Variants in ERAL1 observed in about 807,000 individuals in gnomAD.
ERAL1 encodes the protein GTPase Era, mitochondrial.
Under a neutral mutation model 53.6 loss-of-function variants are expected in ERAL1, and 36 were observed. The observed-to-expected ratio is 0.67, with a 90% CI of 0.51 to 0.89. The LOEUF (loss-of-function observed/expected upper bound fraction) is 0.89. ERAL1 is among the 40% of genes least tolerant of loss of function. The pLI, the probability that ERAL1 is intolerant of heterozygous loss-of-function variation, is 0.00. For missense variants in ERAL1, 512 were observed against 537.5 expected, an observed-to-expected ratio of 0.95 and a Z score of 0.47; for synonymous variants, 215 against 211.8, an observed-to-expected ratio of 1.02 and a Z score of -0.13.
At position 28,858,410 on chromosome 17, in the gene ERAL1, G is replaced by A. The variant is rs751956850; in HGVS notation, c.635G>A (p.Arg212Gln). ...VLVDVSDKWT[R>Q]NQLSPQLLRC... ...GTGGATGTCTCAGACAAGTGGACAC[G>A]GAACCAGCTCAGCCCCCAGTTGCTC... is the stretch of plus-strand genomic sequence containing the variant. The change falls in exon 6 of 10, where the codon CGG becomes CAG. Residue 212 changes from arginine (R) to glutamine (Q), a missense_variant. Physicochemically the swap from Arg to Gln is conservative, Grantham distance 43. Transcript: ENST00000254928. 5 of 1,614,058 alleles carry A rather than the reference G, an allele frequency of 3.1e-6. No individual in the cohort carries two copies. Among genetic ancestry groups the A allele is most frequent in the African/African-American group, 1.3e-5 (1 of 75,010 alleles).
rs763723857 is a variant in ERAL1, at chr17:28,856,363, C to T, written c.383C>T (p.Thr128Ile). The T allele has an allele frequency of 6.2e-7, 1 of 1,614,128 alleles. No homozygotes were observed. The highest frequency in any genetic ancestry group is 2.2e-5 in the East Asian group (1 of 44,884). The change falls in exon 2 of 10, where the codon ACA becomes ATA. Residue 128 changes from threonine to isoleucine, a missense_variant. Physicochemically the swap from Thr to Ile is moderately conservative, Grantham distance 89. Transcript: ENST00000254928. ...LLGAPNAGKS[T>I]LSNQLLGRKV... Reference sequence around the variant, plus strand: ...GGAGCCCCGAATGCAGGGAAGTCAACACTCTCCAACCAGCTACTGGGCCGA... The same window carrying T: ...GGAGCCCCGAATGCAGGGAAGTCAATACTCTCCAACCAGCTACTGGGCCGA...
At position 28,858,393 on chromosome 17, in the gene ERAL1, C is replaced by T; in HGVS notation, c.618C>T (p.Val206=). The part of the protein sequence containing the change: ...SADLVVVLVD[V]SDKWTRNQLS... ...TTCTAGTTGTGGTTCTTGTGGATGT[C>T]TCAGACAAGTGGACACGGAACCAGC... Residue 206 remains valine, a synonymous_variant, in exon 6 of 10, where the codon GTC becomes GTT. Coordinates refer to ENST00000254928, the MANE Select transcript of ERAL1 (RefSeq NM_005702.4). 6.2e-7 allele frequency: 1 copy of T among 1,614,094 alleles called. No individual in the cohort carries two copies. Among genetic ancestry groups the T allele is most frequent in the East Asian group, 2.2e-5 (1 of 44,872 alleles).
chr17:28,859,126 G>C lies in ERAL1; in HGVS notation c.1110+13G>C. Reference sequence around the variant, plus strand: ...CAATGTACAGCAGGTACAGAGTGAAGGGTTCTGGGGGCTCTCTATCAGACA... The same window carrying C: ...CAATGTACAGCAGGTACAGAGTGAACGGTTCTGGGGGCTCTCTATCAGACA... On this transcript the variant is annotated intron_variant, in intron 8 of 9. Coordinates refer to ENST00000254928, the MANE Select transcript of ERAL1 (RefSeq NM_005702.4). 1 of 1,614,146 alleles carries C rather than the reference G, an allele frequency of 6.2e-7. No individual in the cohort carries two copies. Among genetic ancestry groups the C allele is most frequent in the Non-Finnish European group, 8.5e-7 (1 of 1,179,996 alleles).
intron 2 of ERAL1, 27 bp downstream of exon 2, chr17:28,856,418 C>T (rs1001285364): frequency 2.5e-6 from 4 of 1,613,646 alleles, no homozygotes; most frequent in Admixed American, 3.3e-5. Flanking sequence ...ACCATCCTAC[C>T]CTTTACATCT....
chr17:28,855,614 T>A (rs1376450852), intron 1 of ERAL1, among the ~76,000 whole-genome samples: 1 of 152,146 alleles, frequency 6.6e-6, no homozygotes, highest in Non-Finnish European at 1.5e-5. Context: ...TTGGGCCTCA[T>A]CTTCTTGTTA....
chr17:28,856,936 C>T (rs1284546863), intron 3 of ERAL1, among the ~76,000 whole-genome samples: 3 of 151,536 alleles, frequency 2.0e-5, no homozygotes, highest in Admixed American at 2.0e-4. Flanking sequence ...TGGTCTCGAT[C>T]TCCTGACCGC....
chr17:28,857,873 T>G, intron 3 of ERAL1, 66 bp from the exon 4 acceptor site: 1 of 1,563,182 alleles, frequency 6.4e-7, no homozygotes. Flanking sequence ...ACAGGTAGCC[T>G]CTCTCTGACT....
rs770994471 is a variant in ERAL1, at chr17:28,860,644, C to G, written c.*91C>G. The G allele has an allele frequency of 1.4e-6, 2 of 1,443,722 alleles. No homozygotes were observed. Among genetic ancestry groups the G allele is most frequent in the Non-Finnish European group, 1.8e-6 (2 of 1,091,684 alleles). The allele number at this position is 1,443,722 out of a possible 1,614,324, so 89.4% of individuals were successfully genotyped here. A position where few individuals can be genotyped will look rare whatever the true frequency, so the allele number is the denominator to read the frequency against. On this transcript the variant is annotated 3_prime_UTR_variant, in exon 10 of 10. Coordinates refer to ENST00000254928, the MANE Select transcript of ERAL1 (RefSeq NM_005702.4). ...TCCTTGGCTGGGGACCCTCCAGGCA[C>G]TGGTGAGAGACATGAACACTGACTG... is the stretch of plus-strand genomic sequence containing the variant.
chr17:28,856,708 CTTTTTCTTTT>C (rs768568670), intron 3 of ERAL1, 126 bp downstream of exon 3: 9 of 756,058 alleles, frequency 1.2e-5, no homozygotes, highest in Non-Finnish European at 8.5e-6. Flanking sequence ...GGTTTCTTTT[CTTTTTCTTTT>C]TTTTTTTTTT....
At position 28,858,565 on chromosome 17, in the gene ERAL1, C is replaced by T. The variant is rs758330184; in HGVS notation, c.712-11C>T. ...CTGACCACACACCCTTTGCCCATCC[C>T]CCATGTCCAGGTAGATTGTTTGAAG... On this transcript the variant is annotated splice_polypyrimidine_tract_variant and intron_variant, in intron 6 of 9. Transcript: ENST00000254928. The T allele has an allele frequency of 1.2e-6, 2 of 1,614,176 alleles. No individual in the cohort carries two copies. The highest frequency in any genetic ancestry group is 3.3e-5 in the Admixed American group (2 of 60,016).
Position 28,855,293 on chromosome 17 carries a change from G to A in ERAL1, c.259G>A (p.Val87Ile). 1 of 1,603,686 alleles carries A rather than the reference G, an allele frequency of 6.2e-7. No individual in the cohort carries two copies. Among genetic ancestry groups the A allele is most frequent in the Non-Finnish European group, 8.5e-7 (1 of 1,173,670 alleles). ...SQPDSSVTPC[V>I]PAVSMNRDEQ... ...GCCCGACAGTTCGGTGACTCCTTGCGTCCCCGCGGTGTCCATGAACAGAGG... is the reference window on the plus strand; with the variant it reads ...GCCCGACAGTTCGGTGACTCCTTGCATCCCCGCGGTGTCCATGAACAGAGG... The change falls in exon 1 of 10, where the codon GTC becomes ATC. Residue 87 changes from valine to isoleucine, a missense_variant. Physicochemically the swap from Val to Ile is conservative, Grantham distance 29. Coordinates refer to ENST00000254928, the MANE Select transcript of ERAL1 (RefSeq NM_005702.4).
rs1775900580 is a variant in ERAL1 at position 28,855,310 on chromosome 17, G to C, written c.276G>C (p.Met92Ile). 1.9e-6 allele frequency: 3 copies of C among 1,589,974 alleles called. No homozygotes were observed. Among genetic ancestry groups the C allele is most frequent in the Non-Finnish European group, 2.6e-6 (3 of 1,166,296 alleles). ...SVTPCVPAVS[M>I]NRDEQDVLLV... ...CTCCTTGCGTCCCCGCGGTGTCCAT[G>C]AACAGAGGTAAAGCGCCCTGATAGG... Residue 92 changes from methionine (M) to isoleucine (I), a missense_variant, in exon 1 of 10, where the codon ATG (methionine) becomes ATC (isoleucine). Physicochemically the swap from Met to Ile is conservative, Grantham distance 10. Transcript: ENST00000254928.
In ERAL1 at chr17:28,855,041, G is replaced by A. The variant is rs759005927; in HGVS notation, c.7G>A (p.Ala3Thr). 1.9e-6 allele frequency: 3 copies of A among 1,590,056 alleles called. No homozygotes were observed. Among genetic ancestry groups the A allele is most frequent in the Admixed American group, 1.7e-5 (1 of 57,262 alleles). Reference sequence around the variant, plus strand: ...GCAGTGCCTTGCGGCTGTAATGGCTGCCCCCAGCTGGCGCGGGGCTAGGCT... The same window carrying A: ...GCAGTGCCTTGCGGCTGTAATGGCTACCCCCAGCTGGCGCGGGGCTAGGCT... MA[A>T]PSWRGARLVQ... Residue 3 changes from alanine to threonine, a missense_variant, in exon 1 of 10, where the codon GCC (alanine) becomes ACC (threonine). Coordinates refer to ENST00000254928, the MANE Select transcript of ERAL1 (RefSeq NM_005702.4).
chr17:28,858,125 T>C (rs1463098439), intron 4 of ERAL1, 21 bp from the exon 5 acceptor site: 1 of 1,614,040 alleles, frequency 6.2e-7, no homozygotes, highest in Non-Finnish European at 8.5e-7. Flanking sequence ...CTTTCCTGAC[T>C]GATGTATGTC....
In ERAL1 at chr17:28,855,151, C is replaced by T; in HGVS notation, c.117C>T (p.Phe39=). 2 of 1,614,248 alleles carry T rather than the reference C, an allele frequency of 1.2e-6. No homozygotes were observed. Among genetic ancestry groups the T allele is most frequent in the Non-Finnish European group, 8.5e-7 (1 of 1,180,044 alleles). The change falls in exon 1 of 10, where the codon TTC becomes TTT. Residue 39 remains phenylalanine, a synonymous_variant. Transcript: ENST00000254928. ...RVIPFSSLLG[F]QRRCVSCVAG... is the part of the protein sequence containing the mutation. ...TCCCTTTTTCCTCACTCTTAGGCTTCCAACGGAGGTGCGTGTCCTGCGTCG... is the reference window on the plus strand; with the variant it reads ...TCCCTTTTTCCTCACTCTTAGGCTTTCAACGGAGGTGCGTGTCCTGCGTCG...
At chr17:28,860,158 G>T (rs2039290279) in intron 9 of ERAL1, among the ~76,000 whole-genome samples, 1 of 151,828 alleles carries the variant, frequency 6.6e-6, no homozygotes, top group South Asian at 2.1e-4. Flanking sequence ...TGTGTTTTTA[G>T]TAGAGACAGC....
chr17:28,858,065 A>C (rs2152642258), intron 4 of ERAL1, 80 bp downstream of exon 4: 1 of 1,609,786 alleles, frequency 6.2e-7, no homozygotes, highest in African/African-American at 1.3e-5. Context: ...GGGCTGGAAA[A>C]CCCCTTTACC....
chr17:28,858,614 C>G lies in ERAL1; in HGVS notation c.750C>G (p.Leu250=). The change falls in exon 7 of 10, where the codon CTC becomes CTG. Residue 250 remains leucine, a synonymous_variant. Transcript: ENST00000254928. ...AGCAGAAGTCAGTTCTCCTGGAGCT[C>G]ACGGCAGCCCTCACTGAAGGTGTGG... ...CLKQKSVLLE[L]TAALTEGVVN... The G allele has an allele frequency of 6.2e-7, 1 of 1,614,176 alleles. No individual in the cohort carries two copies. Among genetic ancestry groups the G allele is most frequent in the Non-Finnish European group, 8.5e-7 (1 of 1,180,018 alleles).
In ERAL1 at chr17:28,855,326, C is replaced by T. The variant is rs1206809899; in HGVS notation, c.283+9C>T. On this transcript the variant is annotated intron_variant, in intron 1 of 9. Coordinates refer to ENST00000254928, the MANE Select transcript of ERAL1 (RefSeq NM_005702.4). ...GGTGTCCATGAACAGAGGTAAAGCG[C>T]CCTGATAGGTTTGCTCGGAACTGTC... The T allele has an allele frequency of 1.3e-6, 2 of 1,563,442 alleles. No individual in the cohort carries two copies. Among genetic ancestry groups the T allele is most frequent in the East Asian group, 2.3e-5 (1 of 44,070 alleles).
Sources: allele counts gnomAD v4.1 joint callset (sites outside exome capture counted in the v4.1 genomes callset), GRCh38; gene constraint gnomAD v4.1.1; transcripts MANE v1.5; gene names NCBI Gene and HGNC (gene_info 2026-07-23, HGNC 2026-07-21).